PLD2: variants seen among roughly 807,000 people sequenced by gnomAD.
PLD2 encodes choline phosphatase 2.
PLD2 carries 101 observed loss-of-function variants against 119.8 expected under a neutral mutation model. The ratio of observed to expected loss-of-function variants is 0.84; its 90% confidence interval spans 0.72 to 0.99. The LOEUF is 0.99. Among genes scored for constraint, PLD2 ranks in the 50% least tolerant of loss-of-function variants. The probability of loss-of-function intolerance (pLI) is 0.00; values close to 1 mark genes in which losing one functional copy is unlikely to be tolerated. For missense variants in PLD2, 1,164 were observed against 1,226.8 expected, an observed-to-expected ratio of 0.95 and a Z score of 0.76; for synonymous variants, 494 against 482.8, an observed-to-expected ratio of 1.02 and a Z score of -0.30.
rs1907307577 is a variant in PLD2, at chr17:4,818,741, C to T, written c.2124-33C>T. On this transcript the variant is annotated intron_variant, in intron 20 of 24. Transcript: ENST00000263088. ...CCTGACCTCCCCTCCCCTCTGCCAG[C>T]CTCCACTTCTCTCCCTCTTTCTTTT... 3 of 1,613,516 alleles carry T rather than the reference C, an allele frequency of 1.9e-6. No homozygotes were observed. In the East Asian group the frequency reaches 6.7e-5, roughly 36 times the overall value.
Position 4,807,983 on chromosome 17 carries a change from G to T in PLD2, c.110-1G>T. On this transcript the variant is annotated splice_acceptor_variant, in intron 2 of 24. Transcript: ENST00000263088. LOFTEE classifies it high-confidence loss of function. The surrounding 1 kb of genome is among the most constrained non-coding windows in gnomAD (Gnocchi z 5.4). ...CACTCCTCGACTTTCTTTCCTCCCA[G>T]CCGACCGGATGCACCCGTTTCTGGC... The T allele has an allele frequency of 1.2e-6, 2 of 1,607,580 alleles. No homozygotes were observed. Among genetic ancestry groups the T allele is most frequent in the Non-Finnish European group, 1.7e-6 (2 of 1,174,654 alleles).
chr17:4,809,026 A>G (rs1291983572), intron 4 of PLD2, 74 bp from the exon 5 acceptor site: 5 of 1,157,846 alleles, frequency 4.3e-6, no homozygotes, highest in Non-Finnish European at 6.5e-6. Context: ...TCCGAGCCCC[A>G]TCTCCAGTGT....
chr17:4,814,759 G>A (rs747249762), intron 12 of PLD2, 48 bp downstream of exon 12: 1 of 1,533,804 alleles, frequency 6.5e-7, no homozygotes, highest in East Asian at 2.3e-5. Context: ...CCTGTGGGTG[G>A]AGGTTGATTA....
chr17:4,818,267 G>GCTGATGTCTGTCT, intron 18 of PLD2, 30 bp from the exon 19 acceptor site: 1 of 1,590,154 alleles, frequency 6.3e-7, no homozygotes. Context: ...GGGCCAGGCT[G>GCTGATGTCTGTCT]CTGATGTCTG....
Position 4,808,708 on chromosome 17 carries a change from G to GT in PLD2, c.383+298dup, listed in dbSNP as rs2150667693. ...TTGCCAGCCTCTAGGCCTTTTGTTT[G>GT]TTTTTTGTTTTTGTTTTGTACAAGG... On this transcript the variant is annotated intron_variant, in intron 4 of 24. Coordinates refer to ENST00000263088, the MANE Select transcript of PLD2 (RefSeq NM_002663.5). The surrounding 1 kb of genome is among the most constrained non-coding windows in gnomAD (Gnocchi z 4.1). Among the ~76,000 whole-genome samples the GT allele has an allele frequency of 6.6e-6, 1 of 152,120 alleles. No homozygotes were observed. Among genetic ancestry groups the GT allele is most frequent in the East Asian group, 1.9e-4 (1 of 5,176 alleles).
In PLD2 at chr17:4,816,719, TG is replaced by T; in HGVS notation, c.1558del (p.Val520CysfsTer135). 1 of 1,614,140 alleles carries T rather than the reference TG, an allele frequency of 6.2e-7. No individual in the cohort carries two copies. The highest frequency in any genetic ancestry group is 8.5e-7 in the Non-Finnish European group (1 of 1,180,020). ...CTACAGCAATCTTATCACCAAGGAC[TG>T]GGTGCAGCTGGACCGGCCTTTCGAA... Reference protein sequence around the residue: ...KDYSNLITKDWVQLDRPFEDF... With the variant: ...KDYSNLITKDXVQLDRPFEDF... On this transcript the variant is annotated frameshift_variant, in exon 15 of 25. Transcript: ENST00000263088. LOFTEE classifies it high-confidence loss of function.
chr17:4,817,122 G>A (rs1295709125), intron 16 of PLD2, 24 bp from the exon 17 acceptor site: 1 of 1,601,808 alleles, frequency 6.2e-7, no homozygotes, highest in Admixed American at 1.7e-5. Flanking sequence ...ACCTCCTGCT[G>A]ACTCTGCCAT....
chr17:4,810,536 T>C (rs909895863), intron 9 of PLD2, among the ~76,000 whole-genome samples: 1 of 151,852 alleles, frequency 6.6e-6, no homozygotes, highest in Non-Finnish European at 1.5e-5. Flanking sequence ...TCCCAGCTAT[T>C]TGGGAGGCTG....
chr17:4,819,349 C>A lies in PLD2; in HGVS notation c.2309-80C>A. 1 of 1,601,846 alleles carries A rather than the reference C, an allele frequency of 6.2e-7. No individual in the cohort carries two copies. Among genetic ancestry groups the A allele is most frequent in the Non-Finnish European group, 8.5e-7 (1 of 1,172,408 alleles). ...GGGTCCAAGAAGGAATGTTGCAGGC[C>A]AGTGCTTTGGTAGAGGGGATGGGGT... On this transcript the variant is annotated intron_variant, in intron 22 of 24. Transcript: ENST00000263088. This position sits in a 1 kb window ranked among gnomAD's most constrained non-coding sequence, Gnocchi z 4.2.
At chr17:4,810,317 G>C (rs1249048346) in intron 9 of PLD2, among the ~76,000 whole-genome samples, 2 of 152,118 alleles carry the variant, frequency 1.3e-5, no homozygotes. Context: ...GTACAATACT[G>C]GTTGCTGATG....
intron 19 of PLD2, 31 bp downstream of exon 19, chr17:4,818,416 G>A (rs367598162): frequency 1.7e-5 from 27 of 1,611,074 alleles, no homozygotes; most frequent in Non-Finnish European, 2.2e-5. Flanking sequence ...GGTGGGGACT[G>A]TGGGTGTGGT....
At position 4,807,713 on chromosome 17, in the gene PLD2, G is replaced by C; in HGVS notation, c.-1-59G>C. On this transcript the variant is annotated intron_variant, in intron 1 of 24. Coordinates refer to ENST00000263088, the MANE Select transcript of PLD2 (RefSeq NM_002663.5). This position sits in a 1 kb window ranked among gnomAD's most constrained non-coding sequence, Gnocchi z 5.4. ...AGAGATGGAGGACCTGCGGGAGTTA[G>C]GATGGGGGGCGGGTTCTGCAGGACA... 1 of 939,540 alleles carries C rather than the reference G, an allele frequency of 1.1e-6. No individual in the cohort carries two copies. The allele number at this position is 939,540 out of a possible 1,614,324, so 58.2% of individuals were successfully genotyped here.
chr17:4,817,442 C>T (rs780041898), intron 17 of PLD2, 183 bp downstream of exon 17: 12 of 603,134 alleles, frequency 2.0e-5, no homozygotes, highest in Non-Finnish European at 2.7e-5. Context: ...GCAGGCGGAT[C>T]ACAAGGTCCG....
At position 4,821,959 on chromosome 17, in the gene PLD2, A is replaced by T. The variant is rs73341622; in HGVS notation, c.2577+52A>T. 4,111 of 1,176,714 alleles carry T rather than the reference A, an allele frequency of 3.5e-3. 94 individuals are homozygous for T. In the African/African-American group the frequency reaches 0.053, roughly 15 times the overall value. 72.9% of individuals were successfully genotyped at this position (1,176,714 alleles called of 1,614,324 possible). A position where few individuals can be genotyped will look rare whatever the true frequency, so the allele number is the denominator to read the frequency against. On this transcript the variant is annotated intron_variant, in intron 24 of 24. Transcript: ENST00000263088. ...AGTGGCCTGGGGAAATTTGTGGATT[A>T]TCCTGCTCAGGGTAGGATGGAGAGA...
At chr17:4,810,736 G>A in intron 9 of PLD2, 66 bp from the exon 10 acceptor site, 1 of 1,526,850 alleles carries the variant, frequency 6.5e-7, no homozygotes, top group Non-Finnish European at 8.9e-7. Context: ...GGAAAGGGGA[G>A]GTCTCTAGGC....
rs539706155 is a variant in PLD2, at chr17:4,811,852, T to C, written c.1010+901T>C. 2.6e-5 allele frequency among the ~76,000 whole-genome samples: 4 copies of C among 152,192 alleles called. No individual in the cohort carries two copies. In the East Asian group the frequency reaches 7.7e-4, roughly 29 times the overall value. ...TTGTTGGAGACAGTGTCTTGCTCTG[T>C]CACCAGGCGTGTAGTGCAGTAGTGT... On this transcript the variant is annotated intron_variant, in intron 10 of 24. Coordinates refer to ENST00000263088, the MANE Select transcript of PLD2 (RefSeq NM_002663.5).
chr17:4,823,092 C>A lies in PLD2; in HGVS notation c.*228C>A. On this transcript the variant is annotated 3_prime_UTR_variant, in exon 25 of 25. Transcript: ENST00000263088. ...GAGAGAGTCCCAGAGCTCATCCCCC[C>A]TGCTGCCCAGTGCAAACCACTTCTC... 1.9e-6 allele frequency: 1 copy of A among 537,296 alleles called. No homozygotes were observed. Among genetic ancestry groups the A allele is most frequent in the Admixed American group, 3.2e-5 (1 of 31,368 alleles). 33.3% of individuals were successfully genotyped at this position (537,296 alleles called of 1,614,324 possible). A position where few individuals can be genotyped will look rare whatever the true frequency, so the allele number is the denominator to read the frequency against.
At chr17:4,814,221 T>C in intron 10 of PLD2, 197 bp from the exon 11 acceptor site, 2 of 708,774 alleles carry the variant, frequency 2.8e-6, no homozygotes, top group Non-Finnish European at 4.4e-6. Flanking sequence ...TTATTGTGTC[T>C]TTTTGTAATT....
At chr17:4,809,592 C>T (rs776392502) in intron 7 of PLD2, 41 bp downstream of exon 7, 29 of 1,607,726 alleles carry the variant, frequency 1.8e-5, no homozygotes, top group East Asian at 2.2e-5. Flanking sequence ...CCGTAGACAT[C>T]ACTCTTAATT....
Sources: gnomAD v4.1 joint callset for allele counts (sites outside exome capture counted in the v4.1 genomes callset) on GRCh38, gnomAD v4.1.1 for gene constraint, Gnocchi (gnomAD v3.1) non-coding constraint, MANE v1.5 for transcripts, NCBI Gene and HGNC (gene_info 2026-07-23, HGNC 2026-07-21) for gene names.